The following C9orf72 variants were observed in gnomAD, a reference collection of about 807,000 sequenced individuals.
The protein encoded by C9orf72 is C9orf72-SMCR8 complex subunit, also known as guanine nucleotide exchange factor C9orf72.
A neutral mutation model predicts 51.6 loss-of-function variants in C9orf72; 44 were observed. That is an observed-to-expected ratio of 0.85 (90% CI 0.67 to 1.10). The LOEUF (loss-of-function observed/expected upper bound fraction) is 1.10, where lower values mean the gene tolerates loss of function less well. Ranked by LOEUF, C9orf72 falls within the 50% of genes least tolerant of loss-of-function variation. The pLI is 0.00. For missense variants in C9orf72, 607 were observed against 570.6 expected (o/e 1.06, Z -0.65); for synonymous variants, 213 against 194.2 (o/e 1.10, Z -0.81).
intron 3 of C9orf72, among the ~76,000 whole-genome samples, chr9:27,564,210 A>G (rs1029467445): frequency 6.6e-6 from 1 of 151,780 alleles, no homozygotes; most frequent in South Asian, 2.1e-4. Context: ...AAGAGGCTCT[A>G]AAAGAAAATC....
intron 1 of C9orf72, among the ~76,000 whole-genome samples, chr9:27,570,786 G>A (rs1819569280): frequency 6.6e-6 from 1 of 152,168 alleles, no homozygotes; most frequent in South Asian, 2.1e-4. Context: ...AGAATCTCTT[G>A]AACCCGGAGG....
At chr9:27,550,135 T>C (rs1218659195) in intron 9 of C9orf72, among the ~76,000 whole-genome samples, 1 of 150,554 alleles carries the variant, frequency 6.6e-6, no homozygotes, top group Non-Finnish European at 1.5e-5. Context: ...TATATAAACA[T>C]ATATATATCC....
chr9:27,556,824 T>G, intron 7 of C9orf72, 28 bp from the exon 8 acceptor site: 3 of 1,385,716 alleles, frequency 2.2e-6, no homozygotes, highest in Non-Finnish European at 3.1e-6. Flanking sequence ...AAATTTACTG[T>G]CTTACATGCC....
chr9:27,572,419 TAA>T (rs2131550766), intron 1 of C9orf72, among the ~76,000 whole-genome samples: 1 of 152,174 alleles, frequency 6.6e-6, no homozygotes, highest in East Asian at 1.9e-4. Flanking sequence ...CAGATTATGT[TAA>T]AAGTTTCCCA....
At chr9:27,568,032 T>C (rs1819507287) in intron 1 of C9orf72, among the ~76,000 whole-genome samples, 1 of 105,564 alleles carries the variant, frequency 9.5e-6, no homozygotes, top group Non-Finnish European at 1.9e-5. Flanking sequence ...TAAGTAATCT[T>C]AGAAAAGTAA....
intron 3 of C9orf72, among the ~76,000 whole-genome samples, chr9:27,563,242 A>G (rs1819393158): frequency 6.6e-6 from 1 of 151,662 alleles, no homozygotes; most frequent in Admixed American, 6.6e-5. Context: ...TTCCCTTTAG[A>G]GCTATTTCAA....
At chr9:27,549,867 T>C (rs1482977188) in intron 9 of C9orf72, among the ~76,000 whole-genome samples, 1 of 151,656 alleles carries the variant, frequency 6.6e-6, no homozygotes, top group East Asian at 1.9e-4. Flanking sequence ...TCTTAATTGT[T>C]AATATACAGG....
At chr9:27,555,778 G>A (rs999927068) in intron 8 of C9orf72, among the ~76,000 whole-genome samples, 2 of 151,728 alleles carry the variant, frequency 1.3e-5, no homozygotes, top group Non-Finnish European at 2.9e-5. Flanking sequence ...GCCCAGGCTG[G>A]TCTGGAACTC....
intron 8 of C9orf72, among the ~76,000 whole-genome samples, chr9:27,551,908 G>C (rs1587300829): frequency 2.0e-5 from 3 of 152,152 alleles, no homozygotes; most frequent in Admixed American, 2.0e-4. Flanking sequence ...TGGTTAGCTG[G>C]ATTCCTAGGT....
chr9:27,568,111 AT>A (rs1819510240), intron 1 of C9orf72, among the ~76,000 whole-genome samples: 1 of 145,348 alleles, frequency 6.9e-6, no homozygotes, highest in African/African-American at 2.5e-5. Context: ...AAAAAAAGAC[AT>A]GGAAATACCA....
intron 1 of C9orf72, among the ~76,000 whole-genome samples, chr9:27,573,217 C>T (rs1276667206): frequency 6.6e-6 from 1 of 151,554 alleles, no homozygotes; most frequent in Non-Finnish European, 1.5e-5. Context: ...TGCGCCGCCG[C>T]CGCCGCCGCC....
At chr9:27,561,438 A>C in intron 5 of C9orf72, 147 bp downstream of exon 5, 1 of 1,404,920 alleles carries the variant, frequency 7.1e-7, no homozygotes, top group African/African-American at 1.6e-5. Context: ...GAAAAATAAC[A>C]CAAATTTAAG....
intron 5 of C9orf72, chr9:27,560,682 T>G (rs1288184093): frequency 3.0e-6 from 3 of 989,236 alleles, no homozygotes; most frequent in East Asian, 1.1e-4. Context: ...AGGACTAAAG[T>G]GCTTCTGATT....
chr9:27,548,497 GGAAACAAAAC>G, intron 10 of C9orf72, 50 bp downstream of exon 10: 1 of 1,318,606 alleles, frequency 7.6e-7, no homozygotes, highest in Non-Finnish European at 1.0e-6. Flanking sequence ...AATGTACAAA[GGAAACAAAAC>G]AAAAAAACAA....
intron 3 of C9orf72, among the ~76,000 whole-genome samples, chr9:27,563,997 T>G (rs1819410776): frequency 6.6e-6 from 1 of 152,024 alleles, no homozygotes; most frequent in South Asian, 2.1e-4. Flanking sequence ...GTTGTGAGAT[T>G]TGCAAGAACT....
At chr9:27,549,034 G>A (rs946580889) in intron 9 of C9orf72, among the ~76,000 whole-genome samples, 1 of 151,988 alleles carries the variant, frequency 6.6e-6, no homozygotes, top group East Asian at 1.9e-4. Flanking sequence ...TAGTAGAGAC[G>A]GGGTTTCACC....
chr9:27,552,515 A>ATTT (rs71492751), intron 8 of C9orf72, among the ~76,000 whole-genome samples: 21,498 of 105,320 alleles, frequency 0.2, 2,505 homozygotes, highest in East Asian at 0.26. Context: ...TACCAAGCTA[A>ATTT]TTTTTTTTTT....
At chr9:27,565,976 G>GTCTTT (rs1819458889) in intron 2 of C9orf72, among the ~76,000 whole-genome samples, 1 of 152,076 alleles carries the variant, frequency 6.6e-6, no homozygotes, top group Admixed American at 6.6e-5. Context: ...TGCAAACATA[G>GTCTTT]TAAAAAATTA....
chr9:27,556,674 A>G lies in C9orf72; in HGVS notation c.978T>C (p.Tyr326=), dbSNP rs1322681681. 2 of 1,613,852 alleles carry G rather than the reference A, an allele frequency of 1.2e-6. No homozygotes were observed. The highest frequency in any genetic ancestry group is 1.7e-5 in the Admixed American group (1 of 59,976). ...KQMPPCHEHI[Y]NQRRYMRSEL... is the part of the protein sequence containing the mutation. Reference sequence around the variant, plus strand: ...CGGATCTCATGTATCTACGCTGATTATAAATATGTTCATGACAGGGTGGCA... The same window carrying G: ...CGGATCTCATGTATCTACGCTGATTGTAAATATGTTCATGACAGGGTGGCA... Residue 326 remains tyrosine, a synonymous_variant, in exon 8 of 11, where the codon TAT becomes TAC. Transcript: ENST00000380003.
Sources: gnomAD v4.1 joint callset for allele counts (sites outside exome capture counted in the v4.1 genomes callset) on GRCh38, gnomAD v4.1.1 for gene constraint, MANE v1.5 for transcripts, NCBI Gene and HGNC (gene_info 2026-07-23, HGNC 2026-07-21) for gene names.